CDKL5: variants seen among roughly 807,000 people sequenced by gnomAD.
CDKL5 encodes the protein cyclin dependent kinase like 5.
A neutral mutation model predicts 61.7 loss-of-function variants in CDKL5; 8 were observed. The observed-to-expected ratio is 0.13, with a 90% CI of 0.08 to 0.23. The LOEUF (loss-of-function observed/expected upper bound fraction) is 0.23, where lower values mean the gene tolerates loss of function less well. Ranked by LOEUF, CDKL5 falls within the 10% of genes least tolerant of loss-of-function variation. The probability of loss-of-function intolerance (pLI) is 1.00; values close to 1 mark genes in which losing one functional copy is unlikely to be tolerated. For synonymous variants in CDKL5, 275 were observed against 272.3 expected (o/e 1.01, Z -0.10); for missense variants, 440 against 734.5 (o/e 0.60, Z 4.63).
rs1392368532 is a variant in CDKL5, at chrX:18,530,353, GA to G, written c.99+19507del. ...TCCGTCTCAAAAAAAAAAAAAAAAA[GA>G]AAAAAAATTTCTTTTTTCCTCTTTC... On this transcript the variant is annotated intron_variant, in intron 3 of 17. Transcript: ENST00000623535. Among the ~76,000 whole-genome samples the G allele has an allele frequency of 1.7e-4, 17 of 101,843 alleles. No individual in the cohort carries two copies. The East Asian group carries it at 2.2e-3, about 13-fold the overall frequency. The allele number at this position is 101,843 out of a possible 115,157, so 88.4% of individuals were successfully genotyped here.
chrX:18,537,959 A>G (rs1602248214), intron 3 of CDKL5, among the ~76,000 whole-genome samples: 1 of 111,781 alleles, frequency 8.9e-6, no homozygotes, highest in African/African-American at 3.3e-5. Flanking sequence ...GGTGCTCAAG[A>G]GTGCAGTTGC....
Position 18,559,776 on chromosome X carries a change from C to G in CDKL5, c.100-4701C>G, listed in dbSNP as rs748199823. Among the ~76,000 whole-genome samples the G allele has an allele frequency of 3.4e-5, 3 of 87,240 alleles. No individual in the cohort carries two copies. The East Asian group carries it at 1.3e-3, about 38-fold the overall frequency. The allele number at this position is 87,240 out of a possible 115,157, so 75.8% of individuals were successfully genotyped here. A position where few individuals can be genotyped will look rare whatever the true frequency, so the allele number is the denominator to read the frequency against. Reference sequence around the variant, plus strand: ...TTAGGTATATCTCCTAATGCTATCCCTTCCCCCTCCCCCCACCCCACAACA... The same window carrying G: ...TTAGGTATATCTCCTAATGCTATCCGTTCCCCCTCCCCCCACCCCACAACA... On this transcript the variant is annotated intron_variant, in intron 3 of 17. Coordinates refer to ENST00000623535, the MANE Select transcript of CDKL5 (RefSeq NM_001323289.2).
intron 1 of CDKL5, among the ~76,000 whole-genome samples, chrX:18,500,603 T>TC (rs1180212241): frequency 8.9e-6 from 1 of 111,747 alleles, no homozygotes; most frequent in Non-Finnish European, 1.9e-5. Context: ...TGAAAAGTAT[T>TC]CCCTCTAGCA....
Position 18,628,427 on chromosome X carries a change from C to G in CDKL5, c.2553C>G (p.His851Gln). 1.7e-6 allele frequency: 2 copies of G among 1,211,808 alleles called. No homozygotes were observed. The highest frequency in any genetic ancestry group is 2.2e-6 in the Non-Finnish European group (2 of 895,279). The stretch of plus-strand genomic sequence containing the variant: ...TACATCTCTCTTCGGCCTCAAATCA[C>G]CCGGCTTCCTCAGATCCCCGCTTCC... ...KLLHLSSASNHPASSDPRFQP... is the reference protein window; with the variant it reads ...KLLHLSSASNQPASSDPRFQP... The change falls in exon 18 of 18, where the codon CAC becomes CAG. Residue 851 changes from histidine (H) to glutamine (Q), a missense_variant. His to Gln is a conservative substitution (Grantham distance 24). This residue lies in a region of CDKL5 where 363 missense variants were observed against 516.3 expected (regional missense o/e 0.70). Transcript: ENST00000623535.
chrX:18,596,357 T>C (rs1925994429), intron 10 of CDKL5, among the ~76,000 whole-genome samples: 1 of 111,139 alleles, frequency 9.0e-6, no homozygotes, highest in African/African-American at 3.3e-5. Flanking sequence ...GTGTGACGTT[T>C]CGGAAAGGCC....
At chrX:18,581,780 T>C in intron 6 of CDKL5, 111 bp from the exon 7 acceptor site, 2 of 486,089 alleles carry the variant, frequency 4.1e-6, no homozygotes, top group East Asian at 7.1e-5. Flanking sequence ...CAGTTTTCTA[T>C]TCAAATTACT....
chrX:18,647,750 G>T, intron 20 of CDKL5: 1 of 168,907 alleles, frequency 5.9e-6, no homozygotes, highest in Non-Finnish European at 1.1e-5. Flanking sequence ...GCCTCATGAC[G>T]TCAGGTCTCT....
At position 18,628,844 on chromosome X, in the gene CDKL5, C is replaced by T. The variant is rs1274951549; in HGVS notation, c.*87C>T. The T allele has an allele frequency of 7.4e-6, 8 of 1,083,388 alleles. No homozygotes were observed. The highest frequency in any genetic ancestry group is 9.5e-6 in the Non-Finnish European group (8 of 840,460). The allele number at this position is 1,083,388 out of a possible 1,213,427, so 89.3% of individuals were successfully genotyped here. A position where few individuals can be genotyped will look rare whatever the true frequency, so the allele number is the denominator to read the frequency against. On this transcript the variant is annotated 3_prime_UTR_variant, in exon 18 of 18. Transcript: ENST00000623535. Reference sequence around the variant, plus strand: ...GGCTGGGCTTGGGGCATGGGCCGGGCCAAGTGGTGAGCCAATATTTTCAGC... The same window carrying T: ...GGCTGGGCTTGGGGCATGGGCCGGGTCAAGTGGTGAGCCAATATTTTCAGC...
intron 1 of CDKL5, among the ~76,000 whole-genome samples, chrX:18,469,146 C>T (rs1920995167): frequency 9.4e-6 from 1 of 106,930 alleles, no homozygotes; most frequent in Non-Finnish European, 1.9e-5. Flanking sequence ...ACAGACCAGC[C>T]TGGCCAACAT....
intron 1 of CDKL5, among the ~76,000 whole-genome samples, chrX:18,462,041 A>T (rs1932299805): frequency 9.2e-6 from 1 of 108,666 alleles, no homozygotes; most frequent in Non-Finnish European, 1.9e-5. Flanking sequence ...CCCAGCACAA[A>T]TTCGTAAACT....
intron 1 of CDKL5, among the ~76,000 whole-genome samples, chrX:18,475,105 C>T (rs1374807144): frequency 3.8e-5 from 4 of 105,727 alleles, no homozygotes; most frequent in Non-Finnish European, 7.8e-5. Context: ...ATTACAGGCA[C>T]GCACCACCAC....
chrX:18,609,741 G>A (rs1200053180), intron 14 of CDKL5, among the ~76,000 whole-genome samples, 171 bp downstream of exon 14: 1 of 111,758 alleles, frequency 8.9e-6, no homozygotes, highest in Admixed American at 9.4e-5. Context: ...TTATGAATTG[G>A]CCTCCTTAGG....
Position 18,580,285 on chromosome X carries a change from T to C in CDKL5, c.403+317T>C, listed in dbSNP as rs73636683. Reference sequence around the variant, plus strand: ...AACAAATGTGAACTTTGAAACTTACTTGGGGATAGGAGAAGAGCAAAATGT... The same window carrying C: ...AACAAATGTGAACTTTGAAACTTACCTGGGGATAGGAGAAGAGCAAAATGT... On this transcript the variant is annotated intron_variant, in intron 6 of 17. Transcript: ENST00000623535. Among the ~76,000 whole-genome samples, 625 of 111,897 alleles carry C rather than the reference T, an allele frequency of 5.6e-3. 4 individuals are homozygous for C. Among genetic ancestry groups the C allele is most frequent in the African/African-American group, 0.02 (611 of 30,836 alleles).
chrX:18,548,114 G>A (rs908836516), intron 3 of CDKL5, among the ~76,000 whole-genome samples: 2 of 108,109 alleles, frequency 1.8e-5, no homozygotes, highest in African/African-American at 6.7e-5. Flanking sequence ...GGGAAGGGGT[G>A]TTTGTAATGA....
chrX:18,433,222 C>G (rs867872892), intron 1 of CDKL5, among the ~76,000 whole-genome samples: 77 of 99,046 alleles, frequency 7.8e-4, no homozygotes, highest in Non-Finnish European at 1.2e-3. Flanking sequence ...GAGTGAAACC[C>G]TGTCTCAAAA....
chrX:18,514,394 T>C (rs922234907), intron 3 of CDKL5, among the ~76,000 whole-genome samples: 1 of 111,393 alleles, frequency 9.0e-6, no homozygotes, highest in Non-Finnish European at 1.9e-5. Flanking sequence ...TTAGGACTCA[T>C]TATGACTACT....
chrX:18,481,368 CTTTT>C (rs1355064395), intron 1 of CDKL5, among the ~76,000 whole-genome samples: 3 of 81,359 alleles, frequency 3.7e-5, no homozygotes, highest in Admixed American at 2.9e-4. Flanking sequence ...TTCTTTCTTT[CTTTT>C]GAGGCAGGGC....
In CDKL5 at chrX:18,436,282, G is replaced by C. The variant is rs192141935; in HGVS notation, c.-163+10587G>C. Among the ~76,000 whole-genome samples the C allele has an allele frequency of 4.0e-3, 445 of 110,672 alleles. 2 individuals are homozygous for C. Among genetic ancestry groups the C allele is most frequent in the African/African-American group, 0.014 (433 of 30,389 alleles). On this transcript the variant is annotated intron_variant, in intron 1 of 17. Transcript: ENST00000623535. ...TGTCTCAGCAGGGGCAGAGGTGGAAGAGGTAGAGAAGGTGGAAGGGGAGGC... is the reference window on the plus strand; with the variant it reads ...TGTCTCAGCAGGGGCAGAGGTGGAACAGGTAGAGAAGGTGGAAGGGGAGGC...
chrX:18,577,400 G>A (rs1277533269), intron 5 of CDKL5, among the ~76,000 whole-genome samples: 3 of 111,971 alleles, frequency 2.7e-5, no homozygotes, highest in Non-Finnish European at 5.6e-5. Context: ...CACATTAGTG[G>A]CAGTGCGTCA....
Sources: gnomAD v4.1 joint callset for allele counts (sites outside exome capture counted in the v4.1 genomes callset) on GRCh38, gnomAD v4.1.1 for gene constraint, gnomAD v4.1.1 regional missense constraint, MANE v1.5 for transcripts, NCBI Gene and HGNC (gene_info 2026-07-23, HGNC 2026-07-21) for gene names.